PLXDC2: variants seen among roughly 807,000 people sequenced by gnomAD.
The protein encoded by PLXDC2 is plexin domain-containing protein 2.
In PLXDC2, 40 loss-of-function variants were observed where a neutral mutation model predicts 68.9. That is an observed-to-expected ratio of 0.58 (90% CI 0.45 to 0.76). The LOEUF (loss-of-function observed/expected upper bound fraction) is 0.76, where lower values mean the gene tolerates loss of function less well. Ranked by LOEUF, PLXDC2 falls within the 30% of genes least tolerant of loss-of-function variation. PLXDC2 has a pLI of 0.00. For missense variants in PLXDC2, 644 were observed against 661.9 expected, an observed-to-expected ratio of 0.97 and a Z score of 0.30; for synonymous variants, 243 against 234.2, an observed-to-expected ratio of 1.04 and a Z score of -0.34.
At position 20,218,035 on chromosome 10, in the gene PLXDC2, A is replaced by G. The variant is rs550633328; in HGVS notation, c.1273+459A>G. Reference sequence around the variant, plus strand: ...TTTTCCAGAATGCAGTCAATAAAATATATTGGTCTATAACCTATACAGAAA... The same window carrying G: ...TTTTCCAGAATGCAGTCAATAAAATGTATTGGTCTATAACCTATACAGAAA... On this transcript the variant is annotated intron_variant, in intron 11 of 13. Coordinates refer to ENST00000377252, the MANE Select transcript of PLXDC2 (RefSeq NM_032812.9). Among the ~76,000 whole-genome samples, 19 of 152,324 alleles carry G rather than the reference A, an allele frequency of 1.2e-4. No homozygotes were observed. In the East Asian group the frequency reaches 3.5e-3, roughly 28 times the overall value.
Position 19,914,678 on chromosome 10 carries a change from ACTCCATC to A in PLXDC2, c.113-87096_113-87090del, listed in dbSNP as rs1230044153. Among the ~76,000 whole-genome samples the A allele has an allele frequency of 2.6e-5, 4 of 152,276 alleles. No individual in the cohort carries two copies. In the East Asian group the frequency reaches 7.7e-4, roughly 29 times the overall value. On this transcript the variant is annotated intron_variant, in intron 1 of 13. Transcript: ENST00000377252. ...ACCTTTGAACAATTCTATAGCATAG[ACTCCATC>A]AGTCCCATTATTTTAGGATGGGAAG...
At chr10:20,125,383 G>A (rs574398709) in intron 4 of PLXDC2, among the ~76,000 whole-genome samples, 5 of 152,246 alleles carry the variant, frequency 3.3e-5, no homozygotes, top group African/African-American at 1.2e-4. Flanking sequence ...TATTTGAAGT[G>A]GTGTAGAACT....
At chr10:20,203,084 C>T (rs1231188244) in intron 9 of PLXDC2, among the ~76,000 whole-genome samples, 1 of 152,116 alleles carries the variant, frequency 6.6e-6, no homozygotes, top group African/African-American at 2.4e-5. Flanking sequence ...CCAGTGTCAA[C>T]TCTTTCCTGT....
intron 1 of PLXDC2, among the ~76,000 whole-genome samples, chr10:19,895,185 G>A (rs1267267589): frequency 1.3e-5 from 2 of 152,178 alleles, no homozygotes; most frequent in Non-Finnish European, 2.9e-5. Context: ...TTGAAACAGG[G>A]AAGTCATAAT....
intron 1 of PLXDC2, among the ~76,000 whole-genome samples, chr10:19,830,265 A>G (rs1356437049): frequency 1.3e-5 from 2 of 152,210 alleles, no homozygotes; most frequent in South Asian, 2.1e-4. Flanking sequence ...ATATTTTTCA[A>G]CAAAAGAATC....
chr10:19,839,672 G>A (rs333688), intron 1 of PLXDC2, among the ~76,000 whole-genome samples: 79,585 of 150,650 alleles, frequency 0.53, 21,153 homozygotes, highest in East Asian at 0.62. Flanking sequence ...ATGAAACAGA[G>A]AATTCTTAGT....
intron 1 of PLXDC2, among the ~76,000 whole-genome samples, chr10:19,934,593 A>T (rs924693636): frequency 6.6e-6 from 1 of 152,160 alleles, no homozygotes. Context: ...TCAATCTCCT[A>T]ATCAAATTCG....
chr10:20,093,935 A>G (rs1027121554), intron 4 of PLXDC2, among the ~76,000 whole-genome samples: 9 of 152,188 alleles, frequency 5.9e-5, no homozygotes, highest in Non-Finnish European at 8.8e-5. Flanking sequence ...TTGGCTTCCC[A>G]GTGTTAGGAT....
chr10:19,854,165 T>TC (rs1442674243), intron 1 of PLXDC2, among the ~76,000 whole-genome samples: 5 of 152,136 alleles, frequency 3.3e-5, no homozygotes, highest in African/African-American at 1.2e-4. Flanking sequence ...GGGGCTGCTC[T>TC]CCCCTGCAGC....
chr10:20,231,223 A>G (rs1835359905), intron 12 of PLXDC2, among the ~76,000 whole-genome samples: 1 of 150,404 alleles, frequency 6.6e-6, no homozygotes, highest in Admixed American at 6.7e-5. Context: ...TGAAATGCAA[A>G]TCAAACTTCT....
intron 2 of PLXDC2, 26 bp from the exon 3 acceptor site, chr10:20,046,843 A>G (rs1835806421): frequency 1.3e-6 from 2 of 1,567,040 alleles, no homozygotes; most frequent in African/African-American, 2.7e-5. Flanking sequence ...TCGGTTCTTG[A>G]TATACATTAT....
At chr10:20,271,540 C>A (rs961599542) in intron 13 of PLXDC2, among the ~76,000 whole-genome samples, 7 of 152,208 alleles carry the variant, frequency 4.6e-5, no homozygotes, top group Admixed American at 4.6e-4. Context: ...CTGGGTGAAC[C>A]TGAACATGTG....
intron 1 of PLXDC2, among the ~76,000 whole-genome samples, chr10:19,838,077 C>T (rs1836833446): frequency 3.9e-5 from 6 of 152,194 alleles, no homozygotes; most frequent in Admixed American, 3.3e-4. Flanking sequence ...TGACTCACTG[C>T]AGGCTCCAAC....
At chr10:20,063,222 C>T (rs928889797) in intron 3 of PLXDC2, among the ~76,000 whole-genome samples, 2 of 152,096 alleles carry the variant, frequency 1.3e-5, no homozygotes, top group African/African-American at 4.8e-5. Context: ...CTATGGTAAA[C>T]TCATGAGATC....
At chr10:19,954,402 C>G (rs1051323497) in intron 1 of PLXDC2, among the ~76,000 whole-genome samples, 1 of 152,160 alleles carries the variant, frequency 6.6e-6, no homozygotes, top group Non-Finnish European at 1.5e-5. Flanking sequence ...GAGTAAGCAT[C>G]TAACATCTTA....
chr10:20,163,054 CAAAAATA>C lies in PLXDC2; in HGVS notation c.784-1397_784-1391del, dbSNP rs549792751. 5.5e-4 allele frequency among the ~76,000 whole-genome samples: 84 copies of C among 151,762 alleles called. 1 individual carries two copies. The South Asian group carries it at 9.6e-3, about 17-fold the overall frequency. On this transcript the variant is annotated intron_variant, in intron 6 of 13. Coordinates refer to ENST00000377252, the MANE Select transcript of PLXDC2 (RefSeq NM_032812.9). Reference sequence around the variant, plus strand: ...CCTGGGAGATGGAGTGAGACTGTCCCAAAAATAAAAAATAAAAAATAAAGTATATCAG... The same window carrying C: ...CCTGGGAGATGGAGTGAGACTGTCCCAAAAATAAAAAATAAAGTATATCAG...
intron 1 of PLXDC2, among the ~76,000 whole-genome samples, chr10:19,964,135 CTCTGCCAATT>C (rs1329867529): frequency 6.6e-6 from 1 of 152,320 alleles, no homozygotes. Flanking sequence ...GATTTGTAGC[CTCTGCCAATT>C]TCTTTGGCTA....
In PLXDC2 at chr10:19,845,174, G is replaced by A. The variant is rs370373162; in HGVS notation, c.112+27983G>A. On this transcript the variant is annotated intron_variant, in intron 1 of 13. Coordinates refer to ENST00000377252, the MANE Select transcript of PLXDC2 (RefSeq NM_032812.9). ...CCACGTTCCCTGTCTATAGAAGAAG[G>A]CCCTTGCACCAAGTCTGAAATTCTC... Among the ~76,000 whole-genome samples, 63 of 152,214 alleles carry A rather than the reference G, an allele frequency of 4.1e-4. 1 individual carries two copies. The highest frequency in any genetic ancestry group is 1.3e-3 in the African/African-American group (52 of 41,536).
chr10:19,850,027 A>G (rs1837084780), intron 1 of PLXDC2, among the ~76,000 whole-genome samples: 1 of 152,138 alleles, frequency 6.6e-6, no homozygotes, highest in Admixed American at 6.5e-5. Context: ...CCTAAATTAT[A>G]TTAAGGTAAT....
Sources: gnomAD v4.1 joint callset for allele counts (sites outside exome capture counted in the v4.1 genomes callset) on GRCh38, gnomAD v4.1.1 for gene constraint, MANE v1.5 for transcripts, NCBI Gene and HGNC (gene_info 2026-07-23, HGNC 2026-07-21) for gene names.